Variants in SUCO observed in about 807,000 individuals in gnomAD.
SUCO encodes SUN domain containing ossification factor, also known as SUN domain-containing ossification factor.
In SUCO, 57 loss-of-function variants were observed where a neutral mutation model predicts 148.1. That is an observed-to-expected ratio of 0.38 (90% CI 0.31 to 0.48). SUCO has a LOEUF of 0.48. Ranked by LOEUF, SUCO falls within the 20% of genes least tolerant of loss-of-function variation. SUCO has a pLI of 0.96. For missense variants in SUCO, 1,331 were observed against 1,468.2 expected (o/e 0.91, Z 1.53); for synonymous variants, 470 against 502.7 (o/e 0.93, Z 0.87).
intron 19 of SUCO, among the ~76,000 whole-genome samples, chr1:172,594,277 T>A (rs1437084704): frequency 6.6e-6 from 1 of 152,076 alleles, no homozygotes; most frequent in Non-Finnish European, 1.5e-5. Context: ...TGTCTCTGTC[T>A]CCTTCAGTTC....
intron 19 of SUCO, among the ~76,000 whole-genome samples, chr1:172,596,110 C>A (rs1657077866): frequency 6.6e-6 from 1 of 152,164 alleles, no homozygotes; most frequent in Admixed American, 6.5e-5. Flanking sequence ...AGTTCTCGTG[C>A]CATGGTTTTC....
intron 19 of SUCO, among the ~76,000 whole-genome samples, chr1:172,598,291 C>T (rs1657266920): frequency 6.6e-6 from 1 of 152,098 alleles, no homozygotes; most frequent in South Asian, 2.1e-4. Context: ...GGCTTTTGTT[C>T]TATTGATCTG....
intron 9 of SUCO, among the ~76,000 whole-genome samples, chr1:172,573,657 G>T (rs185279213): frequency 6.6e-6 from 1 of 152,000 alleles, no homozygotes; most frequent in Non-Finnish European, 1.5e-5. Flanking sequence ...AAAAAAAAAT[G>T]ATGGAGCAAA....
chr1:172,559,184 T>C (rs1156367631), intron 6 of SUCO, among the ~76,000 whole-genome samples: 1 of 152,184 alleles, frequency 6.6e-6, no homozygotes, highest in Non-Finnish European at 1.5e-5. Context: ...ATACAGAGAA[T>C]GCTTTCCAAA....
chr1:172,549,138 C>T (rs555078092), intron 1 of SUCO, among the ~76,000 whole-genome samples: 1 of 151,798 alleles, frequency 6.6e-6, no homozygotes, highest in East Asian at 1.9e-4. Context: ...TTCATATTTT[C>T]TTAAAACTGT....
chr1:172,591,858 G>A (rs1656698481), intron 19 of SUCO, among the ~76,000 whole-genome samples: 1 of 152,178 alleles, frequency 6.6e-6, no homozygotes, highest in South Asian at 2.1e-4. Context: ...TCGCCACACT[G>A]TCTTCCACCA....
chr1:172,573,563 C>T (rs1335849869), intron 9 of SUCO, among the ~76,000 whole-genome samples: 1 of 152,082 alleles, frequency 6.6e-6, no homozygotes, highest in Non-Finnish European at 1.5e-5. Flanking sequence ...ATCCTCTAGA[C>T]TAGTCATTTT....
upstream of SUCO, chr1:172,532,432 AGAG>A (rs1164903420): frequency 1.3e-6 from 2 of 1,499,732 alleles, no homozygotes; most frequent in Non-Finnish European, 1.8e-6. Flanking sequence ...TTCTTGCTGA[AGAG>A]AAGAAAAAGC....
chr1:172,569,500 T>A (rs1370089913), intron 7 of SUCO: 19 of 982,512 alleles, frequency 1.9e-5, no homozygotes, highest in Non-Finnish European at 2.2e-5. Flanking sequence ...ATTCTTTAAC[T>A]TACCAAAAGG....
At position 172,602,794 on chromosome 1, in the gene SUCO, T is replaced by G; in HGVS notation, c.3265+7T>G. On this transcript the variant is annotated splice_region_variant and intron_variant, in intron 22 of 23. Coordinates refer to ENST00000263688, the MANE Select transcript of SUCO (RefSeq NM_014283.5). ...CAGTTAACTGGCAAAGAAGGTAGAT[T>G]TCTGTGGATATATAATATGTATATA... The G allele has an allele frequency of 6.3e-7, 1 of 1,596,242 alleles. No homozygotes were observed. Among genetic ancestry groups the G allele is most frequent in the Non-Finnish European group, 8.6e-7 (1 of 1,165,104 alleles).
chr1:172,603,986 G>T lies in SUCO; in HGVS notation c.3265+1199G>T, dbSNP rs79740968. 3.5e-3 allele frequency among the ~76,000 whole-genome samples: 535 copies of T among 151,988 alleles called. 12 individuals are homozygous for T. In the East Asian group the frequency reaches 0.05, roughly 14 times the overall value. On this transcript the variant is annotated intron_variant, in intron 22 of 23. Transcript: ENST00000263688. ...TTCTGTTGGGTATACACTGGAAATG[G>T]GATTGGTGAATCATAGGGTATGTGT...
At chr1:172,605,485 T>A (rs1657813816) in intron 22 of SUCO, among the ~76,000 whole-genome samples, 1 of 151,892 alleles carries the variant, frequency 6.6e-6, no homozygotes, top group African/African-American at 2.4e-5. Flanking sequence ...TGAGGGCTTA[T>A]CTCTGTGTTC....
intron 1 of SUCO, chr1:172,544,167 G>T (rs1013206064): frequency 3.1e-6 from 3 of 978,224 alleles, no homozygotes; most frequent in Non-Finnish European, 2.4e-6. Context: ...TGAGTGGCTG[G>T]CACTATATTT....
chr1:172,578,455 TG>T, intron 14 of SUCO, 66 bp downstream of exon 14: 1 of 1,502,744 alleles, frequency 6.7e-7, no homozygotes, highest in Non-Finnish European at 9.1e-7. Flanking sequence ...CGAATAGTAA[TG>T]GGGGAGTATA....
At chr1:172,609,171 A>AC in intron 23 of SUCO, 1 of 813,298 alleles carries the variant, frequency 1.2e-6, no homozygotes, top group Non-Finnish European at 1.5e-6. Flanking sequence ...CAGAGCATGC[A>AC]CCGTTCCTCT....
chr1:172,588,338 T>C (rs1656381669), intron 17 of SUCO: 2 of 985,410 alleles, frequency 2.0e-6, no homozygotes, highest in Non-Finnish European at 2.4e-6. Context: ...CTGGACCTTA[T>C]TTAAGCTAGT....
intron 4 of SUCO, chr1:172,557,036 C>T (rs964470218): frequency 1.0e-6 from 1 of 968,154 alleles, no homozygotes; most frequent in Middle Eastern, 5.3e-4. Context: ...AGAGAAGATA[C>T]ATTGAGAATA....
intron 19 of SUCO, among the ~76,000 whole-genome samples, chr1:172,594,072 T>A (rs1656888019): frequency 6.6e-6 from 1 of 152,196 alleles, no homozygotes; most frequent in Non-Finnish European, 1.5e-5. Context: ...TAGAGGTGTT[T>A]ATAGTATTCT....
chr1:172,543,383 A>G (rs1345996934), intron 1 of SUCO, among the ~76,000 whole-genome samples: 3 of 152,216 alleles, frequency 2.0e-5, no homozygotes, highest in Admixed American at 6.5e-5. Flanking sequence ...CTTGTGTTTT[A>G]GAGGCTAAAT....
Sources: gnomAD v4.1 joint callset for allele counts (sites outside exome capture counted in the v4.1 genomes callset) on GRCh38, gnomAD v4.1.1 for gene constraint, MANE v1.5 for transcripts, NCBI Gene and HGNC (gene_info 2026-07-23, HGNC 2026-07-21) for gene names.